Variants in ANKLE2 observed in about 807,000 individuals in gnomAD.
ANKLE2 encodes the protein ankyrin repeat and LEM domain containing 2.
A neutral mutation model predicts 84.2 loss-of-function variants in ANKLE2; 55 were observed. That is an observed-to-expected ratio of 0.65 (90% CI 0.53 to 0.82). ANKLE2 has a LOEUF of 0.82. Among genes scored for constraint, ANKLE2 ranks in the 40% least tolerant of loss-of-function variants. The probability of loss-of-function intolerance (pLI) is 0.00; values close to 1 mark genes in which losing one functional copy is unlikely to be tolerated. For missense variants in ANKLE2, 1,238 were observed against 1,201.9 expected, an observed-to-expected ratio of 1.03 and a Z score of -0.44; for synonymous variants, 551 against 486.1, an observed-to-expected ratio of 1.13 and a Z score of -1.76.
intron 8 of ANKLE2, among the ~76,000 whole-genome samples, chr12:132,735,848 C>T (rs1347204209): frequency 1.3e-5 from 2 of 152,230 alleles, no homozygotes; most frequent in African/African-American, 4.8e-5. Flanking sequence ...GACACTGCTC[C>T]CATCGCAGGA....
intron 5 of ANKLE2, chr12:132,745,366 G>T: frequency 6.0e-6 from 1 of 165,352 alleles, no homozygotes; most frequent in South Asian, 1.7e-4. Flanking sequence ...GCCAAGGAGG[G>T]GGACTGTGGA....
At chr12:132,752,824 G>A (rs2044385731) in intron 2 of ANKLE2, among the ~76,000 whole-genome samples, 1 of 152,026 alleles carries the variant, frequency 6.6e-6, no homozygotes, top group Non-Finnish European at 1.5e-5. Context: ...TTAATACTGA[G>A]TTCTCATTTC....
At chr12:132,735,261 G>C (rs752679130) in intron 9 of ANKLE2, 145 bp downstream of exon 9, 14 of 753,374 alleles carry the variant, frequency 1.9e-5, no homozygotes, top group Non-Finnish European at 3.2e-5. Context: ...CATCCACAAG[G>C]AATTAGACCT....
At position 132,730,283 on chromosome 12, in the gene ANKLE2, C is replaced by T. The variant is rs370694893; in HGVS notation, c.1892-13G>A. The stretch of plus-strand genomic sequence containing the variant: ...ATGGAATTGCTGCCTGTGAGGACAA[C>T]AAGGAGCACTTCAGTGATGGGAACG... On this transcript the variant is annotated splice_polypyrimidine_tract_variant and intron_variant, in intron 10 of 12. Coordinates refer to ENST00000357997, the MANE Select transcript of ANKLE2 (RefSeq NM_015114.3). The T allele has an allele frequency of 1.3e-6, 2 of 1,544,248 alleles. No homozygotes were observed.
At chr12:132,727,869 T>C (rs2043741820) in intron 12 of ANKLE2, among the ~76,000 whole-genome samples, 163 bp downstream of exon 12, 1 of 152,224 alleles carries the variant, frequency 6.6e-6, no homozygotes, top group African/African-American at 2.4e-5. Flanking sequence ...ACCAGAGCTC[T>C]GTCCTGTGTG....
intron 1 of ANKLE2, chr12:132,760,005 G>A (rs1363643550): frequency 2.6e-5 from 4 of 151,984 alleles, no homozygotes; most frequent in Non-Finnish European, 4.4e-5. Context: ...GTGGTGGCAG[G>A]CGCCTGTAAT....
Position 132,750,708 on chromosome 12 carries a change from C to T in ANKLE2, c.782G>A (p.Ser261Asn). 2 of 1,614,218 alleles carry T rather than the reference C, an allele frequency of 1.2e-6. No individual in the cohort carries two copies. The highest frequency in any genetic ancestry group is 2.2e-5 in the South Asian group (2 of 91,086). Residue 261 changes from serine to asparagine, a missense_variant, in exon 3 of 13, where the codon AGC becomes AAC. By Grantham distance (46) the Ser-to-Asn change is conservative. Around this residue, in one of 3 missense-constraint regions of ANKLE2, gnomAD observed 422 missense variants for 394.5 expected, o/e 1.07. Transcript: ENST00000357997. ...AGGAGACAGTGGTAAGGACGTTTTG[C>T]TTGGAGAAGGGAAATAATCACAAAT... ...RGICDYFPSP[S>N]KTSLPLSPVK...
Position 132,754,778 on chromosome 12 carries a change from G to C in ANKLE2, c.537C>G (p.Pro179=). Reference sequence around the variant, plus strand: ...CTCTGTAGGTGTCGGTGTCACTAGGGGGCACCGAGCAGGTCTTGGATGTCA... The same window carrying C: ...CTCTGTAGGTGTCGGTGTCACTAGGCGGCACCGAGCAGGTCTTGGATGTCA... ...EAVTSKTCSV[P]PSDTDTYRAG... The change falls in exon 2 of 13, where the codon CCC becomes CCG. Residue 179 remains proline (P), a synonymous_variant. Transcript: ENST00000357997. The C allele has an allele frequency of 6.2e-7, 1 of 1,614,076 alleles. No homozygotes were observed.
intron 10 of ANKLE2, among the ~76,000 whole-genome samples, chr12:132,732,374 G>A (rs1245720691): frequency 5.0e-5 from 7 of 139,938 alleles, no homozygotes; most frequent in South Asian, 2.3e-4. Flanking sequence ...TACGCACTGT[G>A]AAGCGCTCTG....
intron 5 of ANKLE2, among the ~76,000 whole-genome samples, chr12:132,744,060 C>T (rs915743790): frequency 1.3e-5 from 2 of 152,204 alleles, no homozygotes; most frequent in Admixed American, 6.5e-5. Context: ...CGCTGCGTCA[C>T]GCCCTCCTTC....
intron 2 of ANKLE2, among the ~76,000 whole-genome samples, chr12:132,753,515 C>A (rs1372442289): frequency 6.6e-6 from 1 of 152,072 alleles, no homozygotes; most frequent in Non-Finnish European, 1.5e-5. Context: ...CCTGTAATCC[C>A]AGAACTTTGG....
intron 10 of ANKLE2, chr12:132,730,862 C>G (rs1396048135): frequency 1.3e-5 from 2 of 152,418 alleles, no homozygotes; most frequent in African/African-American, 4.8e-5. Context: ...CTTTCAAAGG[C>G]AGGGACATGA....
rs1421296074 is a variant in ANKLE2, at chr12:132,743,941, G to A, written c.1231-665C>T. Among the ~76,000 whole-genome samples the A allele has an allele frequency of 6.6e-6, 1 of 152,204 alleles. No homozygotes were observed. Among genetic ancestry groups the A allele is most frequent in the Non-Finnish European group, 1.5e-5 (1 of 68,036 alleles). On this transcript the variant is annotated intron_variant, in intron 5 of 12. Coordinates refer to ENST00000357997, the MANE Select transcript of ANKLE2 (RefSeq NM_015114.3). The surrounding 1 kb of genome is among the most constrained non-coding windows in gnomAD (Gnocchi z 4.1). ...AAAGCAAAGCGCACGAATTTGGTCT[G>A]TACTCAAAGAAGTCTCTGCGGCCTG...
Position 132,727,239 on chromosome 12 carries a change from A to C in ANKLE2, c.*3T>G, listed in dbSNP as rs2043715907. Reference sequence around the variant, plus strand: ...AGAACAAACCGAGAGCCCAGCGCCAAGCCTACAGGGCGGCAAGCTCAGCCA... The same window carrying C: ...AGAACAAACCGAGAGCCCAGCGCCACGCCTACAGGGCGGCAAGCTCAGCCA... On this transcript the variant is annotated 3_prime_UTR_variant, in exon 13 of 13. Coordinates refer to ENST00000357997, the MANE Select transcript of ANKLE2 (RefSeq NM_015114.3). The C allele has an allele frequency of 1.9e-6, 3 of 1,548,556 alleles. No individual in the cohort carries two copies. In the African/African-American group the frequency reaches 4.1e-5, roughly 21 times the overall value.
chr12:132,761,824 G>C lies in ANKLE2; in HGVS notation c.-26C>G, dbSNP rs868372063. Reference sequence around the variant, plus strand: ...CGCCGCCGCCCGGGCCGCAGCCGCCGAGAAGCCCGCGCCCCGCGCCGCGCC... The same window carrying C: ...CGCCGCCGCCCGGGCCGCAGCCGCCCAGAAGCCCGCGCCCCGCGCCGCGCC... On this transcript the variant is annotated 5_prime_UTR_variant, in exon 1 of 13. Coordinates refer to ENST00000357997, the MANE Select transcript of ANKLE2 (RefSeq NM_015114.3). 2.0e-6 allele frequency: 2 copies of C among 1,002,034 alleles called. No homozygotes were observed. Among genetic ancestry groups the C allele is most frequent in the Non-Finnish European group, 2.4e-6 (2 of 843,090 alleles). The allele number at this position is 1,002,034 out of a possible 1,614,324, so 62.1% of individuals were successfully genotyped here.
At chr12:132,750,246 G>C (rs898833350) in intron 3 of ANKLE2, among the ~76,000 whole-genome samples, 1 of 151,666 alleles carries the variant, frequency 6.6e-6, no homozygotes, top group Non-Finnish European at 1.5e-5. Flanking sequence ...AATTAGCTGG[G>C]TGTGGTGGTG....
intron 7 of ANKLE2, among the ~76,000 whole-genome samples, chr12:132,740,834 C>CGAGTGGGGAGGGAACGTCCCGGAGGA (rs1460013501): frequency 1.3e-5 from 2 of 151,986 alleles, no homozygotes; most frequent in Non-Finnish European, 2.9e-5. Context: ...CTCCCAGAGG[C>CGAGTGGGGAGGGAACGTCCCGGAGGA]GAGTGGGGAG....
chr12:132,738,527 G>GA (rs576374432), intron 7 of ANKLE2: 1 of 145,572 alleles, frequency 6.9e-6, no homozygotes, highest in African/African-American at 2.5e-5. Flanking sequence ...TAGTTTCATA[G>GA]TTTTTTTTTT....
Position 132,729,704 on chromosome 12 carries a change from G to C in ANKLE2, c.2458C>G (p.Pro820Ala), listed in dbSNP as rs200454083. 118 of 1,608,320 alleles carry C rather than the reference G, an allele frequency of 7.3e-5. No individual in the cohort carries two copies. The highest frequency in any genetic ancestry group is 1.5e-5 in the Non-Finnish European group (18 of 1,178,644). ...CCAAAAAGGAAGAGCCGCCTGGCCG[G>C]TTCCCTGGTGACCTCGAGCTGATCC... is the stretch of plus-strand genomic sequence containing the variant. ...HEDQLEVTRE[P>A]ARRLFLFGEE... The change falls in exon 11 of 13, where the codon CCG becomes GCG. Residue 820 changes from proline (P) to alanine (A), a missense_variant. Pro to Ala is a conservative substitution (Grantham distance 27). Coordinates refer to ENST00000357997, the MANE Select transcript of ANKLE2 (RefSeq NM_015114.3).
Sources: allele counts gnomAD v4.1 joint callset (sites outside exome capture counted in the v4.1 genomes callset), GRCh38; gene constraint gnomAD v4.1.1; regional missense constraint gnomAD v4.1.1; non-coding constraint Gnocchi (gnomAD v3.1); transcripts MANE v1.5; gene names NCBI Gene and HGNC (gene_info 2026-07-23, HGNC 2026-07-21).